PIEZO2: variants seen among roughly 807,000 people sequenced by gnomAD.
PIEZO2 encodes the protein piezo-type mechanosensitive ion channel component 2.
A neutral mutation model predicts 337.3 loss-of-function variants in PIEZO2; 172 were observed. The observed-to-expected ratio is 0.51, with a 90% CI of 0.45 to 0.58. The LOEUF (loss-of-function observed/expected upper bound fraction) is 0.58. Ranked by LOEUF, PIEZO2 falls within the 20% of genes least tolerant of loss-of-function variation. PIEZO2 has a pLI of 0.00. For missense variants in PIEZO2, 3,028 were observed against 3,391.3 expected (o/e 0.89, Z 2.66); for synonymous variants, 1,251 against 1,228.5 (o/e 1.02, Z -0.38).
chr18:10,793,791 A>C (rs976795429), intron 13 of PIEZO2, among the ~76,000 whole-genome samples: 2 of 152,154 alleles, frequency 1.3e-5, no homozygotes, highest in Middle Eastern at 3.2e-3. Context: ...AATGAATGAC[A>C]TTCCCTTGGT....
chr18:10,731,389 A>G lies in PIEZO2; in HGVS notation c.5029+18T>C. The G allele has an allele frequency of 3.3e-6, 5 of 1,513,208 alleles. No individual in the cohort carries two copies. The East Asian group carries it at 1.2e-4, about 38-fold the overall frequency. 93.7% of individuals were successfully genotyped at this position (1,513,208 alleles called of 1,614,324 possible). On this transcript the variant is annotated intron_variant, in intron 36 of 55. Coordinates refer to ENST00000674853, the MANE Select transcript of PIEZO2 (RefSeq NM_001378183.1). ...GAAACCTGCCACACCCACCACAGCC[A>G]CCCCACCCACCACTCACCCTCCTTG...
chr18:11,148,912 T>C lies in PIEZO2; in HGVS notation c.-324A>G, dbSNP rs1463113078. The C allele has an allele frequency of 3.1e-6, 1 of 324,424 alleles. No homozygotes were observed. The highest frequency in any genetic ancestry group is 5.8e-5 in the East Asian group (1 of 17,248). 20.1% of individuals were successfully genotyped at this position (324,424 alleles called of 1,614,324 possible). On this transcript the variant is annotated 5_prime_UTR_variant, in exon 1 of 56. Transcript: ENST00000674853. The surrounding 1 kb of genome is among the most constrained non-coding windows in gnomAD (Gnocchi z 5.2). ...CGGCGGCTTCTTCAGGGGTAGCTGA[T>C]GCCGGGGCCTTGGAGAGGGACGCTT...
In PIEZO2 at chr18:10,673,668, G is replaced by A. The variant is rs1310590412; in HGVS notation, c.8162-795C>T. ...AGGGTAAAAAGCTTGTAGTGACATT[G>A]TATAGGTCTTTCTAAGAAGATTCCA... On this transcript the variant is annotated intron_variant, in intron 54 of 55. Transcript: ENST00000674853. The surrounding 1 kb of genome is among the most constrained non-coding windows in gnomAD (Gnocchi z 4.8). Among the ~76,000 whole-genome samples the A allele has an allele frequency of 6.6e-6, 1 of 152,188 alleles. No individual in the cohort carries two copies. Among genetic ancestry groups the A allele is most frequent in the African/African-American group, 2.4e-5 (1 of 41,454 alleles).
chr18:10,907,455 A>C (rs1332237216), intron 4 of PIEZO2, among the ~76,000 whole-genome samples: 1 of 152,080 alleles, frequency 6.6e-6, no homozygotes, highest in Non-Finnish European at 1.5e-5. Flanking sequence ...AAAAAAAAAA[A>C]AAGATGTATT....
At chr18:10,777,340 A>G (rs1404600740) in intron 18 of PIEZO2, among the ~76,000 whole-genome samples, 2 of 152,062 alleles carry the variant, frequency 1.3e-5, no homozygotes, top group South Asian at 2.1e-4. Flanking sequence ...GCAACTCCCA[A>G]TGTGTGTGTT....
chr18:10,825,255 T>G (rs2040634907), intron 7 of PIEZO2, among the ~76,000 whole-genome samples: 1 of 152,166 alleles, frequency 6.6e-6, no homozygotes, highest in Non-Finnish European at 1.5e-5. Context: ...AGGCAATGAC[T>G]TCTTAGATAT....
In PIEZO2 at chr18:10,754,931, C is replaced by T. The variant is rs552727326; in HGVS notation, c.3924-2052G>A. On this transcript the variant is annotated intron_variant, in intron 27 of 55. Transcript: ENST00000674853. ...TTCCTCATCTCTACAACAGGGATAA[C>T]CGCATGACCTCCTTGGGCTGGGGTA... Among the ~76,000 whole-genome samples, 49 of 152,224 alleles carry T rather than the reference C, an allele frequency of 3.2e-4. No individual in the cohort carries two copies. The South Asian group carries it at 9.2e-3, about 28-fold the overall frequency.
At chr18:10,770,579 TCC>T (rs2038559878) in intron 20 of PIEZO2, among the ~76,000 whole-genome samples, 1 of 143,932 alleles carries the variant, frequency 6.9e-6, no homozygotes, top group South Asian at 2.1e-4. Context: ...TTATCTTCCT[TCC>T]TTCCTTCCTT....
At position 11,078,612 on chromosome 18, in the gene PIEZO2, A is replaced by G. The variant is rs1202134351; in HGVS notation, c.65-12390T>C. Reference sequence around the variant, plus strand: ...AATATTTCTGTTGCTAGAGAAGTAGACACACCTTTTATGGCATGAATTCAG... The same window carrying G: ...AATATTTCTGTTGCTAGAGAAGTAGGCACACCTTTTATGGCATGAATTCAG... On this transcript the variant is annotated intron_variant, in intron 1 of 55. Coordinates refer to ENST00000674853, the MANE Select transcript of PIEZO2 (RefSeq NM_001378183.1). This position sits in a 1 kb window ranked among gnomAD's most constrained non-coding sequence, Gnocchi z 5.3. Among the ~76,000 whole-genome samples the G allele has an allele frequency of 6.6e-6, 1 of 152,340 alleles. No homozygotes were observed. Among genetic ancestry groups the G allele is most frequent in the Non-Finnish European group, 1.5e-5 (1 of 68,034 alleles).
At chr18:10,915,041 C>T (rs1252410189) in intron 3 of PIEZO2, among the ~76,000 whole-genome samples, 1 of 142,664 alleles carries the variant, frequency 7.0e-6, no homozygotes, top group East Asian at 2.0e-4. Flanking sequence ...ACCTATCAAC[C>T]TCTGTGGCTT....
intron 11 of PIEZO2, among the ~76,000 whole-genome samples, chr18:10,798,125 C>T (rs1290427042): frequency 1.3e-5 from 2 of 152,324 alleles, no homozygotes; most frequent in Admixed American, 6.5e-5. Context: ...TCCCCCTCTC[C>T]GACAAGCCTT....
chr18:10,693,928 C>T (rs2143656813), intron 47 of PIEZO2, among the ~76,000 whole-genome samples: 1 of 152,140 alleles, frequency 6.6e-6, no homozygotes, highest in Admixed American at 6.5e-5. Context: ...ACAATATTCA[C>T]AACACTCTCA....
rs1250213153 is a variant in PIEZO2, at chr18:10,676,214, C to CA, written c.8082-927dup. On this transcript the variant is annotated intron_variant, in intron 53 of 55. Transcript: ENST00000674853. This position sits in a 1 kb window ranked among gnomAD's most constrained non-coding sequence, Gnocchi z 5.1. ...TGGGAGGTGATAGGAGAGGATCTGA[C>CA]AGTCTCCAAGGGCCCTTCAACTTTA... Among the ~76,000 whole-genome samples the CA allele has an allele frequency of 1.4e-4, 21 of 152,158 alleles. No homozygotes were observed. Among genetic ancestry groups the CA allele is most frequent in the African/African-American group, 5.1e-4 (21 of 41,434 alleles).
intron 45 of PIEZO2, among the ~76,000 whole-genome samples, 200 bp downstream of exon 45, chr18:10,697,543 AAATGC>A (rs1252699805): frequency 6.6e-6 from 1 of 152,252 alleles, no homozygotes; most frequent in Non-Finnish European, 1.5e-5. Flanking sequence ...GCATGTGCAT[AAATGC>A]AATGGATATA....
At chr18:10,917,008 C>T (rs142958926) in intron 3 of PIEZO2, among the ~76,000 whole-genome samples, 143 of 152,238 alleles carry the variant, frequency 9.4e-4, no homozygotes, top group African/African-American at 3.3e-3. Context: ...TAGAAGTTCT[C>T]TGTCATCAAA....
chr18:11,008,778 T>C (rs766288787), intron 2 of PIEZO2, among the ~76,000 whole-genome samples: 15 of 152,312 alleles, frequency 9.8e-5, no homozygotes, highest in South Asian at 8.3e-4. Flanking sequence ...AGTCCCTGCA[T>C]TGGGAGCCCT....
At chr18:11,093,576 C>CTT (rs67441841) in intron 1 of PIEZO2, among the ~76,000 whole-genome samples, 5,778 of 56,684 alleles carry the variant, frequency 0.1, 757 homozygotes, top group Non-Finnish European at 0.14. Context: ...CACTCAACAT[C>CTT]TTTTTTTTTT....
At chr18:11,134,156 C>T (rs1439770462) in intron 1 of PIEZO2, among the ~76,000 whole-genome samples, 1 of 152,076 alleles carries the variant, frequency 6.6e-6, no homozygotes, top group African/African-American at 2.4e-5. Context: ...ACAGGAGGAC[C>T]CTCAGGAGGC....
intron 27 of PIEZO2, 100 bp downstream of exon 27, chr18:10,757,869 C>T (rs950909738): frequency 9.0e-6 from 11 of 1,224,078 alleles, no homozygotes; most frequent in South Asian, 3.1e-5. Flanking sequence ...TACAATTCAG[C>T]AGATCTGTTT....
Sources: allele counts gnomAD v4.1 joint callset (sites outside exome capture counted in the v4.1 genomes callset), GRCh38; gene constraint gnomAD v4.1.1; non-coding constraint Gnocchi (gnomAD v3.1); transcripts MANE v1.5; gene names NCBI Gene and HGNC (gene_info 2026-07-23, HGNC 2026-07-21).